The following NRXN1 variants were observed in gnomAD, a reference collection of about 807,000 sequenced individuals.
The protein encoded by NRXN1 is neurexin-1.
In NRXN1, 39 loss-of-function variants were observed where a neutral mutation model predicts 150.9. The ratio of observed to expected loss-of-function variants is 0.26; its 90% confidence interval spans 0.20 to 0.34. NRXN1 has a LOEUF of 0.34. Among genes scored for constraint, NRXN1 ranks in the 10% least tolerant of loss-of-function variants. The probability of loss-of-function intolerance (pLI) is 1.00; values close to 1 mark genes in which losing one functional copy is unlikely to be tolerated. For synonymous variants in NRXN1, 924 were observed against 757.0 expected (o/e 1.22, Z -3.62); for missense variants, 1,815 against 1,949.9 (o/e 0.93, Z 1.30).
chr2:50,719,527 T>A (rs564010738), intron 5 of NRXN1, among the ~76,000 whole-genome samples: 1 of 151,796 alleles, frequency 6.6e-6, no homozygotes, highest in East Asian at 1.9e-4. Context: ...ATACAAAAAA[T>A]TAGCCATGCA....
At chr2:51,020,366 C>T (rs568050735) in intron 2 of NRXN1, among the ~76,000 whole-genome samples, 2 of 151,912 alleles carry the variant, frequency 1.3e-5, no homozygotes, top group East Asian at 3.9e-4. Flanking sequence ...GAAACAATGT[C>T]CTCTTTACTT....
At chr2:50,507,386 A>C (rs1346828886) in intron 12 of NRXN1, among the ~76,000 whole-genome samples, 2 of 152,016 alleles carry the variant, frequency 1.3e-5, no homozygotes, top group African/African-American at 4.8e-5. Context: ...AAAAAAAAAA[A>C]TAGGCACAGC....
chr2:50,051,022 CA>C (rs1692631733), intron 21 of NRXN1, among the ~76,000 whole-genome samples: 1 of 151,930 alleles, frequency 6.6e-6, no homozygotes, highest in Admixed American at 6.6e-5. Context: ...AATATCTCCT[CA>C]AATGAACCAA....
chr2:50,905,562 A>G (rs1683549660), intron 5 of NRXN1, among the ~76,000 whole-genome samples: 2 of 152,024 alleles, frequency 1.3e-5, no homozygotes, highest in African/African-American at 4.8e-5. Context: ...AACATCCCTC[A>G]CTATAATCAT....
chr2:50,110,996 C>T (rs1288267637), intron 18 of NRXN1, among the ~76,000 whole-genome samples: 4 of 152,026 alleles, frequency 2.6e-5, no homozygotes, highest in African/African-American at 9.7e-5. Flanking sequence ...ACTTTATTTT[C>T]ATCTTTTTTA....
At chr2:50,388,744 T>C (rs57613055) in intron 17 of NRXN1, among the ~76,000 whole-genome samples, 6 of 151,932 alleles carry the variant, frequency 3.9e-5, no homozygotes, top group Admixed American at 6.6e-5. Flanking sequence ...CATTCTTTTC[T>C]TATCATATTT....
chr2:50,429,458 T>C (rs1240935982), intron 17 of NRXN1, among the ~76,000 whole-genome samples: 2 of 152,076 alleles, frequency 1.3e-5, no homozygotes, highest in Non-Finnish European at 2.9e-5. Context: ...GGTTTCATTA[T>C]GTTGGCCAGG....
At chr2:50,862,770 T>G (rs953410318) in intron 5 of NRXN1, among the ~76,000 whole-genome samples, 10 of 152,064 alleles carry the variant, frequency 6.6e-5, no homozygotes, top group Non-Finnish European at 1.2e-4. Flanking sequence ...AATCACCTTT[T>G]CACAGATGAG....
At chr2:50,431,060 C>G (rs1315087287) in intron 17 of NRXN1, among the ~76,000 whole-genome samples, 2 of 152,180 alleles carry the variant, frequency 1.3e-5, no homozygotes, top group African/African-American at 4.8e-5. Flanking sequence ...AACAAAGATG[C>G]CCATGCTTTT....
chr2:50,235,871 G>T (rs748908327), intron 18 of NRXN1, among the ~76,000 whole-genome samples: 16 of 151,950 alleles, frequency 1.1e-4, no homozygotes, highest in Non-Finnish European at 1.9e-4. Context: ...TTTAGACCAA[G>T]AACTATGATA....
intron 17 of NRXN1, among the ~76,000 whole-genome samples, chr2:50,434,886 G>C (rs1424606982): frequency 6.6e-6 from 1 of 151,794 alleles, no homozygotes; most frequent in East Asian, 1.9e-4. Flanking sequence ...TGCCAACCCA[G>C]CTTGCCCACA....
At chr2:50,189,409 A>C (rs2061312127) in intron 18 of NRXN1, among the ~76,000 whole-genome samples, 1 of 152,056 alleles carries the variant, frequency 6.6e-6, no homozygotes, top group Non-Finnish European at 1.5e-5. Context: ...AAAAATACCT[A>C]ATGTAGATGA....
chr2:50,620,452 C>T (rs1371740551), intron 7 of NRXN1, among the ~76,000 whole-genome samples: 2 of 152,084 alleles, frequency 1.3e-5, no homozygotes, highest in African/African-American at 4.8e-5. Flanking sequence ...CTAGTGTCAG[C>T]ATCATCCCTA....
chr2:50,452,322 A>T (rs1032404217), intron 17 of NRXN1, among the ~76,000 whole-genome samples: 16 of 152,206 alleles, frequency 1.1e-4, no homozygotes, highest in Non-Finnish European at 2.1e-4. Flanking sequence ...AGCCTTAAAC[A>T]TAAGTAAAAA....
intron 5 of NRXN1, among the ~76,000 whole-genome samples, chr2:50,761,893 C>G (rs1315105536): frequency 6.6e-6 from 1 of 151,790 alleles, no homozygotes; most frequent in African/African-American, 2.4e-5. Flanking sequence ...CATCAAACTC[C>G]AAATTCTTCA....
intron 15 of NRXN1, among the ~76,000 whole-genome samples, chr2:50,476,081 C>T (rs569648331): frequency 6.6e-6 from 1 of 152,064 alleles, no homozygotes; most frequent in African/African-American, 2.4e-5. Context: ...TTTTAAGGAC[C>T]ATGTAGGCAA....
intron 17 of NRXN1, among the ~76,000 whole-genome samples, chr2:50,352,943 G>A (rs1265731331): frequency 1.3e-5 from 2 of 151,770 alleles, no homozygotes; most frequent in Admixed American, 1.3e-4. Context: ...TCCAACCACC[G>A]ATAGTCCAGT....
At chr2:50,722,730 T>A (rs1224134356) in intron 5 of NRXN1, among the ~76,000 whole-genome samples, 3 of 152,222 alleles carry the variant, frequency 2.0e-5, no homozygotes, top group Non-Finnish European at 4.4e-5. Context: ...ACTCAAATCA[T>A]GTTAACAAAG....
intron 18 of NRXN1, among the ~76,000 whole-genome samples, chr2:50,137,883 T>C (rs1706657079): frequency 6.6e-6 from 1 of 152,252 alleles, no homozygotes; most frequent in Non-Finnish European, 1.5e-5. Flanking sequence ...TGTTTCAAGA[T>C]GGAGCCTCAC....
Sources: allele counts gnomAD v4.1 joint callset (sites outside exome capture counted in the v4.1 genomes callset), GRCh38; gene constraint gnomAD v4.1.1; transcripts MANE v1.5; gene names NCBI Gene and HGNC (gene_info 2026-07-23, HGNC 2026-07-21).